JAG1: variants seen among roughly 807,000 people sequenced by gnomAD.
JAG1 encodes protein jagged-1.
A neutral mutation model predicts 148.7 loss-of-function variants in JAG1; 23 were observed. The ratio of observed to expected loss-of-function variants is 0.15; its 90% confidence interval spans 0.11 to 0.22. JAG1 has a LOEUF of 0.22. Ranked by LOEUF, JAG1 falls within the 10% of genes least tolerant of loss-of-function variation. The probability of loss-of-function intolerance (pLI) is 1.00; values close to 1 mark genes in which losing one functional copy is unlikely to be tolerated. For synonymous variants in JAG1, 572 were observed against 598.3 expected, an observed-to-expected ratio of 0.96 and a Z score of 0.64; for missense variants, 1,054 against 1,611.2, an observed-to-expected ratio of 0.65 and a Z score of 5.92.
Position 10,650,146 on chromosome 20 carries a change from G to A in JAG1, c.1234+101C>T, listed in dbSNP as rs1466345859. On this transcript the variant is annotated intron_variant, in intron 9 of 25. Transcript: ENST00000254958. The stretch of plus-strand genomic sequence containing the variant: ...ATAAATTACTTCTTAGCATGATGGA[G>A]TGTGAACTCACACTGCCGGCCACAC... 6 of 748,292 alleles carry A rather than the reference G, an allele frequency of 8.0e-6. No individual in the cohort carries two copies. In the African/African-American group the frequency reaches 8.6e-5, roughly 11 times the overall value. 46.4% of individuals were successfully genotyped at this position (748,292 alleles called of 1,614,324 possible). A position where few individuals can be genotyped will look rare whatever the true frequency, so the allele number is the denominator to read the frequency against.
intron 8 of JAG1, chr20:10,650,575 A>C: frequency 1.8e-6 from 1 of 547,934 alleles, no homozygotes; most frequent in South Asian, 2.0e-5. Flanking sequence ...GTAATCCCCA[A>C]CCTAAGCAGT....
In JAG1 at chr20:10,641,485, G is replaced by A; in HGVS notation, c.2891C>T (p.Thr964Ile). 6.2e-7 allele frequency: 1 copy of A among 1,614,010 alleles called. No homozygotes were observed. Among genetic ancestry groups the A allele is most frequent in the South Asian group, 1.1e-5 (1 of 91,084 alleles). The change falls in exon 23 of 26, where the codon ACC (threonine) becomes ATC (isoleucine). Residue 964 changes from threonine (T) to isoleucine (I), a missense_variant. This residue lies in a region of JAG1 where 342 missense variants were observed against 514.6 expected (regional missense o/e 0.66). Coordinates refer to ENST00000254958, the MANE Select transcript of JAG1 (RefSeq NM_000214.3). Reference protein sequence around the residue: ...YQDNCANITFTFNKEMMSPGL... With the variant: ...YQDNCANITFIFNKEMMSPGL... ...TGGTGACATCATCTCCTTGTTAAAG[G>A]TAAATGTGATGTTCGCACAGTTATC...
Position 10,640,804 on chromosome 20 carries a change from G to A in JAG1, c.3178C>T (p.Arg1060Trp), listed in dbSNP as rs760992773. Residue 1060 changes from arginine (R) to tryptophan (W), a missense_variant, in exon 25 of 26, where the codon CGG becomes TGG. Coordinates refer to ENST00000254958, the MANE Select transcript of JAG1 (RefSeq NM_000214.3). ...AAVAEVRVQR[R>W]PLKNRTDFLV... The stretch of plus-strand genomic sequence containing the variant: ...CTACCTGTTCTGTTCTTCAGAGGCC[G>A]CCTCTGAACTCTTACTTCTGCAACG... 2.6e-5 allele frequency: 42 copies of A among 1,614,028 alleles called. No homozygotes were observed. In the East Asian group the frequency reaches 4.0e-4, roughly 15 times the overall value.
At chr20:10,650,427 C>T (rs1256091485) in intron 8 of JAG1, 67 bp from the exon 9 acceptor site, 1 of 882,876 alleles carries the variant, frequency 1.1e-6, no homozygotes, top group African/African-American at 1.6e-5. Flanking sequence ...GATCCTTTAA[C>T]ATCACCTCTT....
chr20:10,672,048 G>GGGGGCA (rs1170481249), intron 2 of JAG1, among the ~76,000 whole-genome samples: 1 of 152,094 alleles, frequency 6.6e-6, no homozygotes, highest in Non-Finnish European at 1.5e-5. Flanking sequence ...ACTCGGGGGC[G>GGGGGCA]GGGGCAGGAA....
rs759453803 is a variant in JAG1 at position 10,645,108 on chromosome 20, G to GC, written c.2227+34dup. ...CCAGCAGACACGCCCAGGTGGCCAT[G>GC]CCCACTGCAGATCCCACGTGGGGCA... On this transcript the variant is annotated intron_variant, in intron 17 of 25. Transcript: ENST00000254958. This position sits in a 1 kb window ranked among gnomAD's most constrained non-coding sequence, Gnocchi z 6.1. 203 of 1,562,522 alleles carry GC rather than the reference G, an allele frequency of 1.3e-4. No individual in the cohort carries two copies. Among genetic ancestry groups the GC allele is most frequent in the Non-Finnish European group, 8.1e-5 (92 of 1,133,032 alleles).
At position 10,650,375 on chromosome 20, in the gene JAG1, A is replaced by T; in HGVS notation, c.1121-15T>A. The T allele has an allele frequency of 1.4e-6, 2 of 1,434,012 alleles. No individual in the cohort carries two copies. The highest frequency in any genetic ancestry group is 2.0e-6 in the Non-Finnish European group (2 of 1,016,800). The allele number at this position is 1,434,012 out of a possible 1,614,324, so 88.8% of individuals were successfully genotyped here. A position where few individuals can be genotyped will look rare whatever the true frequency, so the allele number is the denominator to read the frequency against. Reference sequence around the variant, plus strand: ...GTCATCAATGTCTGGTCAACAAGAAAAGGAGGGGGTTGACAATTTAATTCA... The same window carrying T: ...GTCATCAATGTCTGGTCAACAAGAATAGGAGGGGGTTGACAATTTAATTCA... On this transcript the variant is annotated splice_polypyrimidine_tract_variant and intron_variant, in intron 8 of 25. Coordinates refer to ENST00000254958, the MANE Select transcript of JAG1 (RefSeq NM_000214.3).
intron 18 of JAG1, 122 bp downstream of exon 18, chr20:10,644,741 G>T: frequency 1.2e-6 from 1 of 811,740 alleles, no homozygotes. Flanking sequence ...CATTAATGCA[G>T]ACCCAGGTGA....
chr20:10,642,406 T>C, intron 21 of JAG1, 82 bp downstream of exon 21: 2 of 798,664 alleles, frequency 2.5e-6, no homozygotes, highest in South Asian at 1.4e-5. Flanking sequence ...GCACAGTGGC[T>C]TATTTGTGAA....
rs767609390 is a variant in JAG1, at chr20:10,641,095, A to G, written c.3048+18T>C. ...CCTTGCCATCGAATAATGAGGTGTG[A>G]ATGGGTCTTATACTTACAATGGCCA... is the stretch of plus-strand genomic sequence containing the variant. On this transcript the variant is annotated intron_variant, in intron 24 of 25. Coordinates refer to ENST00000254958, the MANE Select transcript of JAG1 (RefSeq NM_000214.3). 2.8e-5 allele frequency: 45 copies of G among 1,613,968 alleles called. No individual in the cohort carries two copies. In the South Asian group the frequency reaches 3.1e-4, roughly 11 times the overall value.
intron 18 of JAG1, 48 bp downstream of exon 18, chr20:10,644,815 G>A: frequency 3.7e-6 from 5 of 1,336,538 alleles, no homozygotes; most frequent in Non-Finnish European, 5.4e-6. Flanking sequence ...AGGGTGTCAG[G>A]ATCTGCTCCG....
rs2067256686 is a variant in JAG1 at position 10,639,700 on chromosome 20, T to G, written c.3455A>C (p.His1152Pro). The G allele has an allele frequency of 1.2e-6, 2 of 1,614,116 alleles. No homozygotes were observed. The highest frequency in any genetic ancestry group is 1.7e-6 in the Non-Finnish European group (2 of 1,180,048). ...GTCGTCCTCTTCTACTTCAGAATTG[T>G]GTGTCCTTATTTTAGACATTTTGGA... ...KNSKMSKIRT[H>P]NSEVEEDDMD... The change falls in exon 26 of 26, where the codon CAC becomes CCC. Residue 1152 changes from histidine (H) to proline (P), a missense_variant. His to Pro is a moderately conservative substitution (Grantham distance 77). Coordinates refer to ENST00000254958, the MANE Select transcript of JAG1 (RefSeq NM_000214.3).
At chr20:10,654,194 G>C (rs936350145) in intron 5 of JAG1, among the ~76,000 whole-genome samples, 2 of 152,068 alleles carry the variant, frequency 1.3e-5, no homozygotes, top group South Asian at 2.1e-4. Context: ...TCTTCAAGTT[G>C]CCTCATAAAG....
chr20:10,660,198 G>A (rs6040062), intron 3 of JAG1, among the ~76,000 whole-genome samples: 30,844 of 152,142 alleles, frequency 0.2, 4,081 homozygotes, highest in South Asian at 0.38. Flanking sequence ...TCCACACACC[G>A]CTTCCAACAG....
chr20:10,672,675 G>T (rs749326736), intron 2 of JAG1, 26 bp downstream of exon 2: 1 of 1,609,358 alleles, frequency 6.2e-7, no homozygotes, highest in Admixed American at 1.7e-5. Flanking sequence ...GGCTCCGCCC[G>T]GCCTCCTTCC....
chr20:10,644,542 A>G (rs1181107361), intron 18 of JAG1, 158 bp from the exon 19 acceptor site: 2 of 704,060 alleles, frequency 2.8e-6, no homozygotes, highest in South Asian at 1.6e-5. Context: ...CCCGCACCAC[A>G]CTTAGTTTCA....
chr20:10,669,255 G>A (rs1381260540), intron 2 of JAG1, among the ~76,000 whole-genome samples: 1 of 151,998 alleles, frequency 6.6e-6, no homozygotes, highest in Non-Finnish European at 1.5e-5. Context: ...GAGCACATAC[G>A]TACACACATG....
intron 5 of JAG1, among the ~76,000 whole-genome samples, chr20:10,655,948 C>T (rs1291017551): frequency 1.3e-5 from 2 of 152,152 alleles, no homozygotes; most frequent in African/African-American, 4.8e-5. Flanking sequence ...CTCCCGCCTG[C>T]AAAGGGGCCA....
At chr20:10,642,643 G>A (rs1484356271) in intron 20 of JAG1, 42 bp from the exon 21 acceptor site, 6 of 1,160,868 alleles carry the variant, frequency 5.2e-6, no homozygotes, top group East Asian at 2.3e-5. Context: ...GATGGTGTGT[G>A]GCAATGTTTT....
Sources: gnomAD v4.1 joint callset for allele counts (sites outside exome capture counted in the v4.1 genomes callset) on GRCh38, gnomAD v4.1.1 for gene constraint, gnomAD v4.1.1 regional missense constraint, Gnocchi (gnomAD v3.1) non-coding constraint, MANE v1.5 for transcripts, NCBI Gene and HGNC (gene_info 2026-07-23, HGNC 2026-07-21) for gene names.